The following SAXO2 variants were observed in gnomAD, a reference collection of about 807,000 sequenced individuals.
The protein encoded by SAXO2 is family with sequence similarity 154, member B.
Under a neutral mutation model 18.7 loss-of-function variants are expected in SAXO2, and 17 were observed. That is an observed-to-expected ratio of 0.91 (90% confidence interval 0.62 to 1.36). SAXO2 has a LOEUF of 1.36. SAXO2 is among the 40% of genes most tolerant of loss of function. The pLI is 0.00. For synonymous variants in SAXO2, 163 were observed against 181.2 expected (o/e 0.90, Z 0.81); for missense variants, 486 against 562.6 (o/e 0.86, Z 1.38).
chr15:82,265,314 T>A (rs2075205680), intron 1 of SAXO2, among the ~76,000 whole-genome samples: 1 of 152,112 alleles, frequency 6.6e-6, no homozygotes, highest in Non-Finnish European at 1.5e-5. Context: ...GCTAATTTTT[T>A]TGTATTTTTA....
chr15:82,273,484 G>A (rs2075289640), intron 3 of SAXO2, among the ~76,000 whole-genome samples: 1 of 152,104 alleles, frequency 6.6e-6, no homozygotes, highest in Admixed American at 6.5e-5. Context: ...GTAAAGTGCA[G>A]GATATCAATA....
intron 1 of SAXO2, 168 bp downstream of exon 1, chr15:82,263,100 C>T (rs747156087): frequency 1.1e-5 from 16 of 1,492,826 alleles, no homozygotes; most frequent in African/African-American, 4.3e-5. Flanking sequence ...ACTCGCTCCT[C>T]ACCCGCCTGC....
At position 82,271,695 on chromosome 15, in the gene SAXO2, C is replaced by G; in HGVS notation, c.326C>G (p.Thr109Ser). Residue 109 changes from threonine to serine, a missense_variant, in exon 3 of 4, where the codon ACC becomes AGC. By Grantham distance (58) the Thr-to-Ser change is moderately conservative (BLOSUM62 1). Transcript: ENST00000682753. The part of the protein sequence containing the change: ...PKQGKIDLGT[T>S]YKRDLNSYKV... ...CAAGGGAAGATTGATCTTGGTACTA[C>G]CTACAAACGGGATTTGAATTCGTAT... The G allele has an allele frequency of 6.2e-7, 1 of 1,614,046 alleles. No individual in the cohort carries two copies. The highest frequency in any genetic ancestry group is 8.5e-7 in the Non-Finnish European group (1 of 1,179,922).
intron 3 of SAXO2, among the ~76,000 whole-genome samples, chr15:82,278,741 A>G (rs557622423): frequency 6.6e-6 from 1 of 152,360 alleles, no homozygotes; most frequent in South Asian, 2.1e-4. Flanking sequence ...TTAGACATCA[A>G]TAATAGAAAA....
chr15:82,281,402 A>T (rs1006687123), intron 3 of SAXO2, among the ~76,000 whole-genome samples: 9 of 152,082 alleles, frequency 5.9e-5, no homozygotes, highest in Non-Finnish European at 1.3e-4. Context: ...TCTGATGGTC[A>T]CTTGAAATTC....
intron 2 of SAXO2, among the ~76,000 whole-genome samples, chr15:82,267,584 T>C (rs2075231539): frequency 6.6e-6 from 1 of 152,232 alleles, no homozygotes. Context: ...TTAAAAATGC[T>C]CTGTAATAGC....
rs112202619 is a variant in SAXO2 at position 82,270,412 on chromosome 15, C to A, written c.234-1191C>A. ...AGGTAAGATGAGGACTAAAAATGTT[C>A]GATGAATTTAATCACATGGAAGACA... is the stretch of plus-strand genomic sequence containing the variant. On this transcript the variant is annotated intron_variant, in intron 2 of 3. Transcript: ENST00000682753. Among the ~76,000 whole-genome samples the A allele has an allele frequency of 8.9e-3, 1,353 of 152,134 alleles. 21 individuals are homozygous for A. Among genetic ancestry groups the A allele is most frequent in the African/African-American group, 0.031 (1,296 of 41,468 alleles).
intron 3 of SAXO2, chr15:82,272,087 A>G (rs960841943): frequency 5.8e-6 from 2 of 347,610 alleles, no homozygotes; most frequent in Admixed American, 4.4e-5. Context: ...AAGAAGCATT[A>G]TGTCACATTT....
rs1381177572 is a variant in SAXO2, at chr15:82,282,724, G to A, written c.1039G>A (p.Glu347Lys). ...FPFQGKSIMK[E>K]DFPAWESCRQ... ...TTTCCAAGGAAAAAGCATCATGAAA[G>A]AAGATTTTCCAGCATGGGAAAGTTG... Residue 347 changes from glutamate to lysine, a missense_variant, in exon 4 of 4, where the codon GAA becomes AAA. By Grantham distance (56) the Glu-to-Lys change is moderately conservative. Coordinates refer to ENST00000682753, the MANE Select transcript of SAXO2 (RefSeq NM_001348699.2). 6.2e-7 allele frequency: 1 copy of A among 1,614,158 alleles called. No individual in the cohort carries two copies. The highest frequency in any genetic ancestry group is 1.1e-5 in the South Asian group (1 of 91,072).
chr15:82,263,160 G>T, intron 1 of SAXO2: 1 of 1,454,302 alleles, frequency 6.9e-7, no homozygotes, highest in African/African-American at 1.4e-5. Context: ...CCCAATCAAG[G>T]ATGCAAAGTA....
intron 3 of SAXO2, among the ~76,000 whole-genome samples, chr15:82,278,286 C>CT (rs2075333118): frequency 6.6e-6 from 1 of 152,342 alleles, no homozygotes; most frequent in Admixed American, 6.5e-5. Context: ...GAGAGCCCTG[C>CT]TTCTGAGACC....
chr15:82,282,386 C>G lies in SAXO2; in HGVS notation c.701C>G (p.Thr234Ser). The G allele has an allele frequency of 1.2e-6, 2 of 1,614,166 alleles. No homozygotes were observed. Among genetic ancestry groups the G allele is most frequent in the South Asian group, 2.2e-5 (2 of 91,082 alleles). Reference sequence around the variant, plus strand: ...AGGCCAAAAGAAGTTTACAAACCAACTGACCAACGCTTTGAGGATCTCACA... The same window carrying G: ...AGGCCAAAAGAAGTTTACAAACCAAGTGACCAACGCTTTGAGGATCTCACA... ...FERPKEVYKP[T>S]DQRFEDLTTH... Residue 234 changes from threonine to serine, a missense_variant, in exon 4 of 4, where the codon ACT (threonine) becomes AGT (serine). By Grantham distance (58) the Thr-to-Ser change is moderately conservative. Transcript: ENST00000682753.
At chr15:82,269,739 A>G (rs1014271562) in intron 2 of SAXO2, among the ~76,000 whole-genome samples, 3 of 152,168 alleles carry the variant, frequency 2.0e-5, no homozygotes, top group African/African-American at 4.8e-5. Flanking sequence ...GATGTGGGTA[A>G]ATGAGTTTCG....
intron 2 of SAXO2, among the ~76,000 whole-genome samples, chr15:82,270,903 C>T (rs1486770066): frequency 6.6e-6 from 1 of 152,186 alleles, no homozygotes; most frequent in Non-Finnish European, 1.5e-5. Context: ...CCTAGGTGGC[C>T]TGATCAGTCT....
intron 2 of SAXO2, among the ~76,000 whole-genome samples, chr15:82,268,098 T>C (rs1348733601): frequency 1.3e-5 from 2 of 152,250 alleles, no homozygotes; most frequent in African/African-American, 4.8e-5. Flanking sequence ...ATAAATGAGA[T>C]GAAGAAATTG....
chr15:82,275,770 C>A (rs1039149406), intron 3 of SAXO2, among the ~76,000 whole-genome samples: 2 of 152,226 alleles, frequency 1.3e-5, no homozygotes, highest in Admixed American at 1.3e-4. Context: ...ATTGAAGGAA[C>A]ATAACTCAAA....
intron 3 of SAXO2, among the ~76,000 whole-genome samples, chr15:82,279,688 T>G (rs988567735): frequency 5.3e-5 from 8 of 152,196 alleles, no homozygotes; most frequent in Non-Finnish European, 1.2e-4. Flanking sequence ...GATGTCCCCT[T>G]ACTTTCTAAA....
intron 2 of SAXO2, among the ~76,000 whole-genome samples, chr15:82,269,415 G>T (rs1450667457): frequency 6.6e-6 from 1 of 152,186 alleles, no homozygotes; most frequent in Non-Finnish European, 1.5e-5. Flanking sequence ...AGCATGGAAA[G>T]GAGAAAATTG....
At chr15:82,273,364 T>C (rs2075288619) in intron 3 of SAXO2, among the ~76,000 whole-genome samples, 1 of 152,208 alleles carries the variant, frequency 6.6e-6, no homozygotes, top group African/African-American at 2.4e-5. Flanking sequence ...TAAAACACTT[T>C]TGTAAGAGTG....
Sources: gnomAD v4.1 joint callset for allele counts (sites outside exome capture counted in the v4.1 genomes callset) on GRCh38, gnomAD v4.1.1 for gene constraint, MANE v1.5 for transcripts, NCBI Gene and HGNC (gene_info 2026-07-23, HGNC 2026-07-21) for gene names.